C8A: variants seen among roughly 807,000 people sequenced by gnomAD.
C8A encodes complement component C8 alpha chain.
C8A carries 67 observed loss-of-function variants against 65.3 expected under a neutral mutation model. The observed-to-expected ratio is 1.03, with a 90% confidence interval of 0.84 to 1.26. The LOEUF (loss-of-function observed/expected upper bound fraction) is 1.26, where lower values mean the gene tolerates loss of function less well. Among genes scored for constraint, C8A ranks in the 50% most tolerant of loss-of-function variants. The pLI, the probability that C8A is intolerant of heterozygous loss-of-function variation, is 0.00. For synonymous variants in C8A, 290 were observed against 259.4 expected (o/e 1.12, Z -1.13); for missense variants, 781 against 723.9 (o/e 1.08, Z -0.90).
At chr1:56,917,357 C>A (rs1423989969) in intron 10 of C8A, among the ~76,000 whole-genome samples, 2 of 152,218 alleles carry the variant, frequency 1.3e-5, no homozygotes, top group Non-Finnish European at 2.9e-5. Flanking sequence ...TGCAGTGAAA[C>A]TGCCCTTGCT....
At chr1:56,883,369 T>C (rs1026175171) in intron 5 of C8A, 112 bp from the exon 6 acceptor site, 22 of 898,376 alleles carry the variant, frequency 2.4e-5, no homozygotes, top group Non-Finnish European at 3.5e-5. Flanking sequence ...AAGAATTACC[T>C]ACCATAATCT....
chr1:56,888,482 A>C lies in C8A; in HGVS notation c.1096+2315A>C, dbSNP rs540554275. Among the ~76,000 whole-genome samples the C allele has an allele frequency of 2.6e-4, 39 of 152,332 alleles. No homozygotes were observed. The South Asian group carries it at 7.9e-3, about 31-fold the overall frequency. ...ATGTTGTAAGCCAATTGTAGTACTCAAAATCAATGTATATGGATCACAAGA... is the reference window on the plus strand; with the variant it reads ...ATGTTGTAAGCCAATTGTAGTACTCCAAATCAATGTATATGGATCACAAGA... On this transcript the variant is annotated intron_variant, in intron 7 of 10. Transcript: ENST00000361249.
intron 7 of C8A, among the ~76,000 whole-genome samples, chr1:56,896,096 C>A (rs554623746): frequency 3.1e-4 from 47 of 152,172 alleles, no homozygotes; most frequent in African/African-American, 1.1e-3. Flanking sequence ...TATTTAATTA[C>A]TTTAAATAAA....
At chr1:56,911,278 A>T (rs1243158001) in intron 9 of C8A, among the ~76,000 whole-genome samples, 1 of 152,148 alleles carries the variant, frequency 6.6e-6, no homozygotes, top group South Asian at 2.1e-4. Context: ...AGTGAGTCAC[A>T]TTTACTTAGT....
Position 56,896,070 on chromosome 1 carries a change from A to G in C8A, c.1096+9903A>G, listed in dbSNP as rs537973452. 2.0e-5 allele frequency among the ~76,000 whole-genome samples: 3 copies of G among 152,300 alleles called. No homozygotes were observed. The East Asian group carries it at 5.8e-4, about 29-fold the overall frequency. Reference sequence around the variant, plus strand: ...ACACAGTCTTAACTCAGTGTGCTCTACTAACTATAAAAACATATTTAATTA... The same window carrying G: ...ACACAGTCTTAACTCAGTGTGCTCTGCTAACTATAAAAACATATTTAATTA... On this transcript the variant is annotated intron_variant, in intron 7 of 10. Transcript: ENST00000361249.
At chr1:56,868,266 G>T (rs1454830779) in intron 2 of C8A, among the ~76,000 whole-genome samples, 1 of 151,580 alleles carries the variant, frequency 6.6e-6, no homozygotes, top group African/African-American at 2.4e-5. Flanking sequence ...AGGCAGAGGC[G>T]AGTATTAAAA....
intron 9 of C8A, among the ~76,000 whole-genome samples, chr1:56,909,484 T>A (rs1161181584): frequency 6.6e-6 from 1 of 152,188 alleles, no homozygotes; most frequent in Non-Finnish European, 1.5e-5. Flanking sequence ...GGTTTGAAAA[T>A]TGATATCATC....
chr1:56,896,726 C>T (rs1277074332), intron 7 of C8A, among the ~76,000 whole-genome samples: 1 of 152,146 alleles, frequency 6.6e-6, no homozygotes, highest in Admixed American at 6.5e-5. Flanking sequence ...GGAAGATAGA[C>T]ATGTGGGAAA....
intron 1 of C8A, among the ~76,000 whole-genome samples, chr1:56,864,042 G>C (rs1214587664): frequency 6.6e-6 from 1 of 152,156 alleles, no homozygotes; most frequent in Non-Finnish European, 1.5e-5. Context: ...TGCATTCATA[G>C]AGCCTAGAAT....
chr1:56,895,918 C>A (rs1056056087), intron 7 of C8A, among the ~76,000 whole-genome samples: 4 of 152,052 alleles, frequency 2.6e-5, no homozygotes, highest in African/African-American at 9.7e-5. Context: ...CATTGCACTG[C>A]AGCCTGGATA....
rs142382705 is a variant in C8A at position 56,881,599 on chromosome 1, C to T, written c.619C>T (p.Arg207Trp). The T allele has an allele frequency of 5.0e-5, 80 of 1,613,500 alleles. No individual in the cohort carries two copies. The highest frequency in any genetic ancestry group is 8.3e-5 in the Admixed American group (5 of 59,966). ...CTATGGAGATGATGAGAAATACTTTCGGAAACCCTACAACTTTCTGAAGTA... is the reference window on the plus strand; with the variant it reads ...CTATGGAGATGATGAGAAATACTTTTGGAAACCCTACAACTTTCTGAAGTA... ...LYYGDDEKYF[R>W]KPYNFLKYHF... The change falls in exon 5 of 11, where the codon CGG becomes TGG. Residue 207 changes from arginine to tryptophan, a missense_variant. By Grantham distance (101) the Arg-to-Trp change is moderately radical (BLOSUM62 -3). Coordinates refer to ENST00000361249, the MANE Select transcript of C8A (RefSeq NM_000562.3).
In C8A at chr1:56,879,177, TA is replaced by T. The variant is rs912914683; in HGVS notation, c.465-2259del. On this transcript the variant is annotated intron_variant, in intron 4 of 10. Transcript: ENST00000361249. ...AAGCATTTACTATCTGGCTCTTTAT[TA>T]AAAAAAAATTTCCAACTCCTCATCT... Among the ~76,000 whole-genome samples the T allele has an allele frequency of 4.3e-4, 66 of 151,800 alleles. 1 individual carries two copies. The highest frequency in any genetic ancestry group is 1.4e-3 in the Admixed American group (22 of 15,234).
intron 7 of C8A, 151 bp from the exon 8 acceptor site, chr1:56,906,516 A>G: frequency 2.4e-6 from 2 of 830,512 alleles, no homozygotes; most frequent in Non-Finnish European, 4.0e-6. Flanking sequence ...GCAGAAGAGA[A>G]AACTGAAATT....
At chr1:56,890,118 T>C (rs1644333074) in intron 7 of C8A, among the ~76,000 whole-genome samples, 1 of 152,188 alleles carries the variant, frequency 6.6e-6, no homozygotes, top group Non-Finnish European at 1.5e-5. Context: ...CCAATATATG[T>C]TGGACAGGTC....
At chr1:56,884,659 A>G (rs984227532) in intron 6 of C8A, among the ~76,000 whole-genome samples, 3 of 152,166 alleles carry the variant, frequency 2.0e-5, no homozygotes, top group African/African-American at 7.2e-5. Flanking sequence ...TCTAACTTCC[A>G]TCATCACTTT....
Position 56,908,114 on chromosome 1 carries a change from GT to G in C8A, c.1380+2del. On this transcript the variant is annotated splice_donor_variant, in intron 9 of 10. Coordinates refer to ENST00000361249, the MANE Select transcript of C8A (RefSeq NM_000562.3). LOFTEE classifies it high-confidence loss of function. ...TAATCCTGTTGTTATCGATTTTGAG[GT>G]AAGTCTTTTCGCAGTTGAAGAAACT... 6.2e-7 allele frequency: 1 copy of G among 1,614,086 alleles called. No individual in the cohort carries two copies. Among genetic ancestry groups the G allele is most frequent in the Non-Finnish European group, 8.5e-7 (1 of 1,179,970 alleles).
intron 8 of C8A, 74 bp from the exon 9 acceptor site, chr1:56,907,882 A>G (rs1285424693): frequency 1.1e-5 from 17 of 1,520,514 alleles, no homozygotes; most frequent in African/African-American, 4.1e-5. Context: ...TCCAAATCTC[A>G]TTAGTGGGGT....
Position 56,912,542 on chromosome 1 carries a change from T to C in C8A, c.1520T>C (p.Val507Ala). Residue 507 changes from valine to alanine, a missense_variant, in exon 10 of 11, where the codon GTG (valine) becomes GCG (alanine). Val to Ala is a moderately conservative substitution (Grantham distance 64). Coordinates refer to ENST00000361249, the MANE Select transcript of C8A (RefSeq NM_000562.3). ...CRCGPCFNNG[V>A]PILEGTSCRC... The stretch of plus-strand genomic sequence containing the variant: ...TGTGGGCCTTGCTTCAACAATGGGG[T>C]GCCCATCCTCGAGGGCACCAGCTGC... 1 of 1,614,144 alleles carries C rather than the reference T, an allele frequency of 6.2e-7. No homozygotes were observed. Among genetic ancestry groups the C allele is most frequent in the Non-Finnish European group, 8.5e-7 (1 of 1,180,022 alleles).
At position 56,907,045 on chromosome 1, in the gene C8A, C is replaced by A. The variant is rs566707591; in HGVS notation, c.1222+253C>A. ...TAGATTTCAAGGGTTAGACAAAGGT[C>A]CAAGTAAGAACTAGAATGAAAGGAA... On this transcript the variant is annotated intron_variant, in intron 8 of 10. Transcript: ENST00000361249. Among the ~76,000 whole-genome samples the A allele has an allele frequency of 1.1e-4, 17 of 152,158 alleles. No homozygotes were observed. The East Asian group carries it at 3.3e-3, about 29-fold the overall frequency.
Sources: gnomAD v4.1 joint callset for allele counts (sites outside exome capture counted in the v4.1 genomes callset) on GRCh38, gnomAD v4.1.1 for gene constraint, MANE v1.5 for transcripts, NCBI Gene and HGNC (gene_info 2026-07-23, HGNC 2026-07-21) for gene names.